The following AK5 variants were observed in gnomAD, a reference collection of about 807,000 sequenced individuals.
AK5 encodes adenylate kinase 5.
AK5 carries 27 observed loss-of-function variants against 69.5 expected under a neutral mutation model. The ratio of observed to expected loss-of-function variants is 0.39; its 90% CI spans 0.29 to 0.54. The LOEUF (loss-of-function observed/expected upper bound fraction) is 0.54. AK5 is among the 20% of genes least tolerant of loss of function. AK5 has a pLI of 0.71. For missense variants in AK5, 531 were observed against 700.4 expected (o/e 0.76, Z 2.73); for synonymous variants, 260 against 244.4 (o/e 1.06, Z -0.60).
intron 13 of AK5, 142 bp downstream of exon 13, chr1:77,536,180 G>T (rs747486179): frequency 1.1e-6 from 1 of 937,310 alleles, no homozygotes; most frequent in African/African-American, 1.7e-5. Context: ...GGGCCAAAAG[G>T]CCCAGCACAG....
chr1:77,385,304 T>C (rs1647940747), intron 6 of AK5, among the ~76,000 whole-genome samples: 2 of 151,858 alleles, frequency 1.3e-5, no homozygotes, highest in South Asian at 2.1e-4. Flanking sequence ...GGACTACAGG[T>C]GCCCGCCACC....
At chr1:77,366,031 T>C (rs953992995) in intron 6 of AK5, among the ~76,000 whole-genome samples, 6 of 152,142 alleles carry the variant, frequency 3.9e-5, no homozygotes, top group African/African-American at 1.4e-4. Flanking sequence ...AAACACCACC[T>C]GTTCCCCGAA....
At chr1:77,394,627 G>A (rs1299605817) in intron 6 of AK5, among the ~76,000 whole-genome samples, 1 of 152,118 alleles carries the variant, frequency 6.6e-6, no homozygotes, top group African/African-American at 2.4e-5. Context: ...CATATAGTAG[G>A]TGCACAACAA....
intron 6 of AK5, among the ~76,000 whole-genome samples, chr1:77,374,002 A>G (rs546158197): frequency 6.6e-6 from 1 of 152,356 alleles, no homozygotes; most frequent in South Asian, 2.1e-4. Context: ...CTTTCAGCCC[A>G]TAAAATACAT....
At chr1:77,283,193 A>C in intron 1 of AK5, 1 of 985,418 alleles carries the variant, frequency 1.0e-6, no homozygotes, top group South Asian at 4.7e-5. Context: ...GGTCTGTTCT[A>C]AGCCACAACC....
At chr1:77,394,734 A>G (rs1177379938) in intron 6 of AK5, among the ~76,000 whole-genome samples, 1 of 151,914 alleles carries the variant, frequency 6.6e-6, no homozygotes, top group Admixed American at 6.5e-5. Context: ...GGGAGAGGAC[A>G]TTCTTAAAAG....
At chr1:77,324,394 G>T (rs543457851) in intron 5 of AK5, among the ~76,000 whole-genome samples, 2 of 151,472 alleles carry the variant, frequency 1.3e-5, no homozygotes, top group Admixed American at 1.3e-4. Flanking sequence ...ACTAATTTTC[G>T]TGTATGCCTA....
intron 1 of AK5, among the ~76,000 whole-genome samples, chr1:77,284,050 T>C (rs1658213577): frequency 6.6e-6 from 1 of 152,216 alleles, no homozygotes; most frequent in Non-Finnish European, 1.5e-5. Flanking sequence ...GTTTTATGTT[T>C]CTTATTTACT....
At chr1:77,311,282 A>G (rs537354294) in intron 5 of AK5, among the ~76,000 whole-genome samples, 1 of 152,284 alleles carries the variant, frequency 6.6e-6, no homozygotes, top group East Asian at 1.9e-4. Context: ...GATATTCAGA[A>G]AAAGGAAAGA....
intron 5 of AK5, among the ~76,000 whole-genome samples, chr1:77,324,980 C>CTTTTTTT (rs374298984): frequency 7.2e-6 from 1 of 139,196 alleles, no homozygotes. Flanking sequence ...TTACGAGCTA[C>CTTTTTTT]TTTTTTTTTT....
chr1:77,291,249 T>C (rs1339633625), intron 2 of AK5, among the ~76,000 whole-genome samples: 1 of 152,212 alleles, frequency 6.6e-6, no homozygotes, highest in East Asian at 1.9e-4. Flanking sequence ...AAATTGTTTT[T>C]GAACTGTCAC....
intron 10 of AK5, among the ~76,000 whole-genome samples, chr1:77,500,896 C>A (rs1380406007): frequency 1.3e-5 from 2 of 152,060 alleles, no homozygotes; most frequent in Non-Finnish European, 2.9e-5. Context: ...TGTTCCTACC[C>A]ATCCCAGAAC....
intron 8 of AK5, among the ~76,000 whole-genome samples, chr1:77,432,751 T>G (rs1209455305): frequency 6.6e-6 from 1 of 152,166 alleles, no homozygotes; most frequent in African/African-American, 2.4e-5. Context: ...AGCGTAGACT[T>G]TTTTTTATTT....
intron 8 of AK5, among the ~76,000 whole-genome samples, chr1:77,442,564 G>T (rs1299530995): frequency 1.3e-5 from 2 of 152,172 alleles, no homozygotes; most frequent in African/African-American, 2.4e-5. Flanking sequence ...GTGGAAGTCA[G>T]GTGTTTCCTT....
intron 8 of AK5, among the ~76,000 whole-genome samples, chr1:77,440,743 CT>C (rs888431945): frequency 2.8e-4 from 42 of 150,296 alleles, no homozygotes; most frequent in Middle Eastern, 3.4e-3. Context: ...TTCAGAGGCT[CT>C]TTTTTTTTTT....
chr1:77,443,193 T>G (rs1457416579), intron 8 of AK5, among the ~76,000 whole-genome samples: 1 of 152,202 alleles, frequency 6.6e-6, no homozygotes, highest in Admixed American at 6.5e-5. Flanking sequence ...GTTGAGTATC[T>G]CTTACTCAAA....
intron 8 of AK5, among the ~76,000 whole-genome samples, chr1:77,472,001 T>C (rs1413777957): frequency 2.0e-5 from 3 of 152,216 alleles, no homozygotes; most frequent in African/African-American, 7.2e-5. Flanking sequence ...ATTAGATTAA[T>C]GATAAGTGCC....
intron 6 of AK5, 181 bp downstream of exon 6, chr1:77,340,749 T>TA (rs5775390): frequency 1.1e-5 from 5 of 446,600 alleles, no homozygotes; most frequent in African/African-American, 2.0e-5. Context: ...CATGTTTTTT[T>TA]AAAAAAACTT....
intron 5 of AK5, among the ~76,000 whole-genome samples, chr1:77,335,417 T>C (rs2100365671): frequency 6.6e-6 from 1 of 150,480 alleles, no homozygotes; most frequent in South Asian, 2.1e-4. Flanking sequence ...ATTTATTCAC[T>C]CATTCAATCA....
Sources: allele counts gnomAD v4.1 joint callset (sites outside exome capture counted in the v4.1 genomes callset), GRCh38; gene constraint gnomAD v4.1.1; transcripts MANE v1.5; gene names NCBI Gene and HGNC (gene_info 2026-07-23, HGNC 2026-07-21).